Variants in DTL observed in about 807,000 individuals in gnomAD.
DTL encodes denticleless E3 ubiquitin protein ligase adapter.
In DTL, 46 loss-of-function variants were observed where a neutral mutation model predicts 87.0. That is an observed-to-expected ratio of 0.53 (90% CI 0.42 to 0.68). The LOEUF is 0.68. Ranked by LOEUF, DTL falls within the 30% of genes least tolerant of loss-of-function variation. The pLI is 0.00. For missense variants in DTL, 737 were observed against 869.4 expected (o/e 0.85, Z 1.91); for synonymous variants, 308 against 311.2 (o/e 0.99, Z 0.11).
intron 5 of DTL, among the ~76,000 whole-genome samples, chr1:212,059,210 C>G (rs10863933): frequency 0.95 from 145,148 of 152,130 alleles, 69,305 homozygotes; most frequent in East Asian, 1. Flanking sequence ...ACCAGACAAG[C>G]ACAAGGACAC....
Position 212,056,039 on chromosome 1 carries a change from C to T in DTL, c.461-6845C>T, listed in dbSNP as rs553268288. ...GTCACAGCCACCGCCAACACTAGTA[C>T]GGAACACTTGGGTTCCAGGGGATTT... On this transcript the variant is annotated intron_variant, in intron 5 of 14. Coordinates refer to ENST00000366991, the MANE Select transcript of DTL (RefSeq NM_016448.4). 5.1e-4 allele frequency among the ~76,000 whole-genome samples: 77 copies of T among 152,322 alleles called. 1 individual carries two copies. The highest frequency in any genetic ancestry group is 8.4e-4 in the African/African-American group (35 of 41,568).
rs764861404 is a variant in DTL, at chr1:212,101,110, C to T, written c.2094+26C>T. ...GTAAGTCAGCAGTGGTGGGAAGATA[C>T]ATTTCCTAACTTAAAAGGGGCCAGA... On this transcript the variant is annotated intron_variant, in intron 14 of 14. Coordinates refer to ENST00000366991, the MANE Select transcript of DTL (RefSeq NM_016448.4). 6.0e-6 allele frequency: 9 copies of T among 1,495,192 alleles called. No individual in the cohort carries two copies. In the East Asian group the frequency reaches 1.4e-4, roughly 23 times the overall value. The allele number at this position is 1,495,192 out of a possible 1,614,324, so 92.6% of individuals were successfully genotyped here. A position where few individuals can be genotyped will look rare whatever the true frequency, so the allele number is the denominator to read the frequency against.
intron 13 of DTL, among the ~76,000 whole-genome samples, chr1:212,082,343 A>G (rs2102569031): frequency 6.6e-6 from 1 of 152,254 alleles, no homozygotes. Flanking sequence ...TCTTTCAAGG[A>G]GTTTTGTTAT....
At position 212,100,493 on chromosome 1, in the gene DTL, T is replaced by C; in HGVS notation, c.1503T>C (p.Ile501=). The C allele has an allele frequency of 6.2e-7, 1 of 1,614,018 alleles. No homozygotes were observed. The highest frequency in any genetic ancestry group is 8.5e-7 in the Non-Finnish European group (1 of 1,180,004). ...PKPPSSFKMS[I]RNWVTRTPSS... ...CACCTTCATCTTTCAAGATGTCGAT[T>C]AGAAACTGGGTGACCCGAACACCTT... The change falls in exon 14 of 15, where the codon ATT becomes ATC. Residue 501 remains isoleucine (I), a synonymous_variant. Coordinates refer to ENST00000366991, the MANE Select transcript of DTL (RefSeq NM_016448.4).
chr1:212,036,019 G>A (rs377204418), intron 1 of DTL, 77 bp downstream of exon 1: 2 of 1,429,044 alleles, frequency 1.4e-6, no homozygotes, highest in Non-Finnish European at 9.8e-7. Flanking sequence ...TCCGACCAGG[G>A]CCGACTCCAA....
Position 212,100,833 on chromosome 1 carries a change from G to A in DTL, c.1843G>A (p.Gly615Ser). Reference sequence around the variant, plus strand: ...CAAATCAAGCAAAATTGAAGGAGCTGGTACCAGTATCTCAGAGCCTCCGTC... The same window carrying A: ...CAAATCAAGCAAAATTGAAGGAGCTAGTACCAGTATCTCAGAGCCTCCGTC... ...PTKSSKIEGAGTSISEPPSPI... is the reference protein window; with the variant it reads ...PTKSSKIEGASTSISEPPSPI... Residue 615 changes from glycine to serine, a missense_variant, in exon 14 of 15, where the codon GGT becomes AGT. Gly to Ser is a moderately conservative substitution (Grantham distance 56). Coordinates refer to ENST00000366991, the MANE Select transcript of DTL (RefSeq NM_016448.4). The A allele has an allele frequency of 6.2e-7, 1 of 1,614,112 alleles. No individual in the cohort carries two copies. The highest frequency in any genetic ancestry group is 8.5e-7 in the Non-Finnish European group (1 of 1,180,020).
chr1:212,069,581 T>C (rs61828546), intron 10 of DTL, among the ~76,000 whole-genome samples: 1,550 of 151,998 alleles, frequency 0.01, 7 homozygotes, highest in Non-Finnish European at 0.017. Flanking sequence ...AGTTTCACTC[T>C]GTTGCCCAGG....
chr1:212,086,414 TG>T (rs1411369708), intron 13 of DTL, among the ~76,000 whole-genome samples: 2 of 152,248 alleles, frequency 1.3e-5, no homozygotes, highest in Non-Finnish European at 2.9e-5. Flanking sequence ...AGTTATTTTT[TG>T]AGGTTTTTCC....
At chr1:212,070,627 A>G (rs544778266) in intron 10 of DTL, among the ~76,000 whole-genome samples, 32 of 143,186 alleles carry the variant, frequency 2.2e-4, no homozygotes, top group African/African-American at 6.6e-4. Flanking sequence ...AAAAAACTGA[A>G]TGACAACTGT....
At chr1:212,048,177 C>A (rs3010020) in intron 5 of DTL, among the ~76,000 whole-genome samples, 6,997 of 151,902 alleles carry the variant, frequency 0.046, 223 homozygotes, top group African/African-American at 0.084. Flanking sequence ...TTTAAATGGC[C>A]TGTTTTTTGT....
At chr1:212,099,127 G>C (rs1655535999) in intron 13 of DTL, among the ~76,000 whole-genome samples, 1 of 152,138 alleles carries the variant, frequency 6.6e-6, no homozygotes, top group Non-Finnish European at 1.5e-5. Context: ...ATTTTGTTTG[G>C]CTCTCTAAAT....
chr1:212,064,656 G>T (rs1281026571), intron 6 of DTL, among the ~76,000 whole-genome samples: 1 of 152,092 alleles, frequency 6.6e-6, no homozygotes, highest in Non-Finnish European at 1.5e-5. Context: ...CCATTGTCTG[G>T]ATGAACCAAA....
chr1:212,080,033 G>A (rs189729506), intron 12 of DTL, among the ~76,000 whole-genome samples: 1 of 152,266 alleles, frequency 6.6e-6, no homozygotes, highest in South Asian at 2.1e-4. Context: ...AAGGGACAAA[G>A]GTTATTTTTT....
At chr1:212,078,358 TTTAAG>T (rs1453717667) in intron 12 of DTL, 96 bp downstream of exon 12, 1 of 790,084 alleles carries the variant, frequency 1.3e-6, no homozygotes, top group Non-Finnish European at 2.1e-6. Context: ...AATTTTTATG[TTTAAG>T]TTGAGATTTT....
chr1:212,059,647 A>T (rs1244145976), intron 5 of DTL, among the ~76,000 whole-genome samples: 18 of 152,140 alleles, frequency 1.2e-4, no homozygotes, highest in Non-Finnish European at 2.4e-4. Flanking sequence ...CTCCTATTCA[A>T]CATGGTACTG....
intron 13 of DTL, among the ~76,000 whole-genome samples, chr1:212,085,824 A>C (rs1399301207): frequency 6.6e-6 from 1 of 152,182 alleles, no homozygotes; most frequent in Non-Finnish European, 1.5e-5. Context: ...TAGGCATTCA[A>C]ATTTTTTACA....
intron 7 of DTL, among the ~76,000 whole-genome samples, chr1:212,066,360 A>G (rs1654496930): frequency 6.6e-6 from 1 of 152,186 alleles, no homozygotes. Flanking sequence ...AGTAATAGCA[A>G]TTAGGAGGTA....
intron 1 of DTL, among the ~76,000 whole-genome samples, chr1:212,037,876 A>G (rs916971481): frequency 6.6e-6 from 1 of 152,218 alleles, no homozygotes; most frequent in Non-Finnish European, 1.5e-5. Flanking sequence ...GCCCTTTCAT[A>G]CCAAATCGTT....
intron 11 of DTL, among the ~76,000 whole-genome samples, chr1:212,073,272 A>G (rs1302226148): frequency 6.6e-6 from 1 of 152,206 alleles, no homozygotes; most frequent in African/African-American, 2.4e-5. Context: ...TCATTAAGGC[A>G]TTGTTTACCC....
Sources: gnomAD v4.1 joint callset for allele counts (sites outside exome capture counted in the v4.1 genomes callset) on GRCh38, gnomAD v4.1.1 for gene constraint, MANE v1.5 for transcripts, NCBI Gene and HGNC (gene_info 2026-07-23, HGNC 2026-07-21) for gene names.